Variants in COMMD1 observed in about 807,000 individuals in gnomAD.
COMMD1 encodes COMM domain-containing protein 1.
A neutral mutation model predicts 17.2 loss-of-function variants in COMMD1; 10 were observed. The ratio of observed to expected loss-of-function variants is 0.58; its 90% CI spans 0.36 to 0.99. COMMD1 has a LOEUF of 0.99. Ranked by LOEUF, COMMD1 falls within the 50% of genes least tolerant of loss-of-function variation. The pLI is 0.01. For missense variants in COMMD1, 270 were observed against 231.8 expected (o/e 1.17, Z -1.07); for synonymous variants, 97 against 91.6 (o/e 1.06, Z -0.34).
intron 2 of COMMD1, among the ~76,000 whole-genome samples, chr2:62,084,595 T>C (rs62149945): frequency 0.013 from 1,930 of 152,292 alleles, 15 homozygotes; most frequent in Non-Finnish European, 0.021. Flanking sequence ...GGGTCAACTG[T>C]ATTCTGTTTT....
intron 2 of COMMD1, among the ~76,000 whole-genome samples, chr2:62,103,433 G>T (rs1672241331): frequency 6.6e-6 from 1 of 152,192 alleles, no homozygotes; most frequent in Admixed American, 6.5e-5. Context: ...CCCCATGTCA[G>T]TGATTTTTTT....
intron 1 of COMMD1, among the ~76,000 whole-genome samples, chr2:61,993,043 T>TACCTC (rs72261989): frequency 0.11 from 16,925 of 152,140 alleles, 2,208 homozygotes; most frequent in African/African-American, 0.32. Context: ...ACTTACCTTA[T>TACCTC]ACCTCATAGG....
At chr2:61,905,644 G>C (rs1242865905), upstream of COMMD1, 1 of 1,508,022 alleles carries the variant, frequency 6.6e-7, no homozygotes, top group Non-Finnish European at 8.9e-7. Flanking sequence ...GGCGGGGCAC[G>C]GCTCAGCTGT....
intron 1 of COMMD1, among the ~76,000 whole-genome samples, chr2:61,970,638 G>T (rs911737368): frequency 3.9e-5 from 6 of 152,222 alleles, no homozygotes; most frequent in African/African-American, 9.6e-5. Context: ...TGAATTCCTA[G>T]ATGTGGAATT....
At chr2:61,897,538 A>G (rs914460029) in intron 1 of COMMD1, among the ~76,000 whole-genome samples, 1 of 152,186 alleles carries the variant, frequency 6.6e-6, no homozygotes, top group African/African-American at 2.4e-5. Context: ...ACCTGAGTTC[A>G]GGAGTTTGAC....
At chr2:61,933,031 T>A (rs1310037133) in intron 1 of COMMD1, among the ~76,000 whole-genome samples, 1 of 151,904 alleles carries the variant, frequency 6.6e-6, no homozygotes, top group African/African-American at 2.4e-5. Flanking sequence ...ATGTGGAGGA[T>A]TTTACTGGGC....
intron 1 of COMMD1, among the ~76,000 whole-genome samples, chr2:61,997,193 G>A (rs1024198355): frequency 6.6e-6 from 1 of 151,610 alleles, no homozygotes; most frequent in Non-Finnish European, 1.5e-5. Context: ...CTAAGTAGCT[G>A]GGACCACAGA....
intron 2 of COMMD1, among the ~76,000 whole-genome samples, chr2:62,045,194 G>A (rs1670345129): frequency 6.6e-6 from 1 of 152,126 alleles, no homozygotes; most frequent in Admixed American, 6.5e-5. Flanking sequence ...CAGGGGTGTG[G>A]AAAAACTGTC....
At chr2:62,041,853 T>C (rs1336555984) in intron 2 of COMMD1, among the ~76,000 whole-genome samples, 2 of 152,236 alleles carry the variant, frequency 1.3e-5, no homozygotes, top group Admixed American at 6.5e-5. Context: ...CTGCAGACTT[T>C]TGCTGTGAGT....
chr2:61,992,245 C>T (rs150265522), intron 1 of COMMD1, among the ~76,000 whole-genome samples: 55 of 152,202 alleles, frequency 3.6e-4, no homozygotes, highest in African/African-American at 1.2e-3. Flanking sequence ...TACTTAACAT[C>T]CTATTTGTAA....
intron 2 of COMMD1, among the ~76,000 whole-genome samples, chr2:62,085,745 C>T (rs553048810): frequency 2.7e-5 from 4 of 149,818 alleles, no homozygotes; most frequent in Admixed American, 1.3e-4. Flanking sequence ...TTTGGGAGGC[C>T]GAGGCGGGCA....
chr2:61,917,533 C>CT lies in COMMD1; in HGVS notation c.180+11687dup, dbSNP rs568257104. Among the ~76,000 whole-genome samples the CT allele has an allele frequency of 2.5e-3, 360 of 146,902 alleles. 2 individuals are homozygous for CT. The highest frequency in any genetic ancestry group is 3.8e-3 in the Non-Finnish European group (255 of 66,302). On this transcript the variant is annotated intron_variant, in intron 1 of 2. Transcript: ENST00000311832. ...AATTTAAGAAGAAACTTCGCTCATA[C>CT]TTTTTTTTTTTTGAGACGGAGTCTC...
chr2:61,888,650 G>A, upstream of COMMD1: 6 of 957,758 alleles, frequency 6.3e-6, no homozygotes, highest in South Asian at 1.8e-5. Flanking sequence ...AGGCGGAGGC[G>A]GAGAAGGGGG....
intron 2 of COMMD1, among the ~76,000 whole-genome samples, chr2:62,134,086 G>A (rs1418262275): frequency 6.6e-6 from 1 of 152,146 alleles, no homozygotes; most frequent in Non-Finnish European, 1.5e-5. Context: ...ACAGGCATGA[G>A]CCACCATGCC....
At chr2:61,954,167 C>T (rs1413872246) in intron 1 of COMMD1, among the ~76,000 whole-genome samples, 2 of 152,046 alleles carry the variant, frequency 1.3e-5, no homozygotes, top group Non-Finnish European at 2.9e-5. Context: ...CGAGATTGCG[C>T]CACTGTACTC....
chr2:61,944,729 A>G (rs1670862450), intron 1 of COMMD1, among the ~76,000 whole-genome samples: 1 of 152,196 alleles, frequency 6.6e-6, no homozygotes, highest in African/African-American at 2.4e-5. Context: ...GAATCTGCCC[A>G]TCACTCGTGA....
chr2:62,100,592 C>T (rs1672150737), intron 2 of COMMD1, among the ~76,000 whole-genome samples: 1 of 152,046 alleles, frequency 6.6e-6, no homozygotes, highest in Non-Finnish European at 1.5e-5. Context: ...TACTTCCAGG[C>T]TATAGGTAAA....
intron 2 of COMMD1, among the ~76,000 whole-genome samples, chr2:62,096,365 A>G (rs181249281): frequency 6.6e-6 from 1 of 152,342 alleles, no homozygotes; most frequent in Non-Finnish European, 1.5e-5. Flanking sequence ...TTTAGAATGA[A>G]CAGCTTTCAC....
intron 2 of COMMD1, among the ~76,000 whole-genome samples, chr2:62,045,890 C>G (rs934639295): frequency 6.7e-6 from 1 of 150,234 alleles, no homozygotes; most frequent in Non-Finnish European, 1.5e-5. Flanking sequence ...GTGACCACCA[C>G]CATGCCTGGC....
Sources: gnomAD v4.1 joint callset for allele counts (sites outside exome capture counted in the v4.1 genomes callset) on GRCh38, gnomAD v4.1.1 for gene constraint, MANE v1.5 for transcripts, NCBI Gene and HGNC (gene_info 2026-07-23, HGNC 2026-07-21) for gene names.